Variants in OSBPL8 observed in about 807,000 individuals in gnomAD.
The protein encoded by OSBPL8 is oxysterol-binding protein-related protein 8.
OSBPL8 carries 59 observed loss-of-function variants against 125.5 expected under a neutral mutation model. That is an observed-to-expected ratio of 0.47 (90% CI 0.38 to 0.58). The LOEUF is 0.58. OSBPL8 is among the 20% of genes least tolerant of loss of function. The pLI, the probability that OSBPL8 is intolerant of heterozygous loss-of-function variation, is 0.00. For missense variants in OSBPL8, 758 were observed against 1,047.8 expected, an observed-to-expected ratio of 0.72 and a Z score of 3.82; for synonymous variants, 330 against 338.9, an observed-to-expected ratio of 0.97 and a Z score of 0.29.
chr12:76,378,436 T>C lies in OSBPL8; in HGVS notation c.1729+16A>G, dbSNP rs1482233943. The C allele has an allele frequency of 2.0e-6, 3 of 1,474,816 alleles. No homozygotes were observed. The highest frequency in any genetic ancestry group is 2.8e-6 in the Non-Finnish European group (3 of 1,074,268). The allele number at this position is 1,474,816 out of a possible 1,614,324, so 91.4% of individuals were successfully genotyped here. A position where few individuals can be genotyped will look rare whatever the true frequency, so the allele number is the denominator to read the frequency against. ...AGGAAAGCTTAATATCTAATTCAAG[T>C]ATAGAAAATATTTACCTTTACAATG... On this transcript the variant is annotated intron_variant, in intron 16 of 23. Coordinates refer to ENST00000261183, the MANE Select transcript of OSBPL8 (RefSeq NM_020841.5).
intron 1 of OSBPL8, among the ~76,000 whole-genome samples, chr12:76,532,137 T>G (rs955769175): frequency 6.6e-6 from 1 of 151,542 alleles, no homozygotes; most frequent in African/African-American, 2.4e-5. Context: ...TGTTGTGGAC[T>G]GTATCTGAGG....
chr12:76,383,134 T>C (rs546145480), intron 15 of OSBPL8, among the ~76,000 whole-genome samples: 1 of 152,278 alleles, frequency 6.6e-6, no homozygotes, highest in South Asian at 2.1e-4. Flanking sequence ...CAGATAGCTC[T>C]GATGTATATA....
At position 76,369,803 on chromosome 12, in the gene OSBPL8, G is replaced by A. The variant is rs926390221; in HGVS notation, c.2074C>T (p.Arg692Ter). 3 of 1,612,654 alleles carry A rather than the reference G, an allele frequency of 1.9e-6. No homozygotes were observed. The highest frequency in any genetic ancestry group is 1.7e-4 in the Middle Eastern group (1 of 6,050). ...ESEKLWQRVTRAINAKDQTEA... is the reference protein window; with the variant it reads ...ESEKLWQRVT The stretch of plus-strand genomic sequence containing the variant: ...GTTTGGTCTTTGGCATTTATGGCTC[G>A]AGTTACCCGTTGCCAGAGTCTAATA... The change falls in exon 20 of 24, where the codon CGA becomes TGA. Residue 692 changes from arginine (R) to a stop codon, truncating the protein, a stop_gained. Coordinates refer to ENST00000261183, the MANE Select transcript of OSBPL8 (RefSeq NM_020841.5). LOFTEE classifies it high-confidence loss of function.
intron 15 of OSBPL8, among the ~76,000 whole-genome samples, chr12:76,380,312 T>C: frequency 6.6e-6 from 1 of 152,168 alleles, no homozygotes; most frequent in East Asian, 1.9e-4. Flanking sequence ...TCCTCAGCAA[T>C]GTTTTAGTCT....
chr12:76,552,201 G>A (rs965027265), intron 1 of OSBPL8, among the ~76,000 whole-genome samples: 2 of 151,988 alleles, frequency 1.3e-5, no homozygotes, highest in Admixed American at 1.3e-4. Flanking sequence ...GAGGCGGGCA[G>A]ATCGCTTGAA....
chr12:76,501,253 T>C (rs543975912), intron 1 of OSBPL8, among the ~76,000 whole-genome samples: 11 of 152,346 alleles, frequency 7.2e-5, no homozygotes, highest in Non-Finnish European at 1.5e-4. Flanking sequence ...TGTGGATTCC[T>C]TCCCAATACA....
intron 18 of OSBPL8, among the ~76,000 whole-genome samples, chr12:76,372,819 C>T (rs1442146079): frequency 6.6e-6 from 1 of 152,162 alleles, no homozygotes; most frequent in Non-Finnish European, 1.5e-5. Flanking sequence ...CCATGTTCCA[C>T]TGAAAGGAAT....
intron 1 of OSBPL8, among the ~76,000 whole-genome samples, chr12:76,531,865 A>C (rs1950347724): frequency 6.6e-6 from 1 of 151,888 alleles, no homozygotes; most frequent in Non-Finnish European, 1.5e-5. Flanking sequence ...GTGAAACCCC[A>C]TCTCTACTAA....
intron 1 of OSBPL8, among the ~76,000 whole-genome samples, chr12:76,554,630 T>C (rs867230243): frequency 6.6e-5 from 10 of 152,338 alleles, no homozygotes; most frequent in Admixed American, 2.6e-4. Context: ...TCTAGAGTAG[T>C]ACAGTACCTG....
intron 6 of OSBPL8, 122 bp downstream of exon 6, chr12:76,402,567 G>A: frequency 1.4e-6 from 1 of 709,900 alleles, no homozygotes; most frequent in Non-Finnish European, 2.4e-6. Context: ...CTGCCTGTCT[G>A]TACCACTGGA....
chr12:76,371,336 C>G, intron 19 of OSBPL8, 112 bp downstream of exon 19: 4 of 1,167,724 alleles, frequency 3.4e-6, no homozygotes, highest in Non-Finnish European at 4.6e-6. Flanking sequence ...AAATGATAAA[C>G]TATTTTGCTG....
chr12:76,485,435 T>C, intron 2 of OSBPL8, among the ~76,000 whole-genome samples: 1 of 151,916 alleles, frequency 6.6e-6, no homozygotes, highest in South Asian at 2.1e-4. Context: ...TAGCCAAGCA[T>C]GGTGGCACAT....
At chr12:76,530,480 TC>T (rs1950305569) in intron 1 of OSBPL8, among the ~76,000 whole-genome samples, 1 of 152,166 alleles carries the variant, frequency 6.6e-6, no homozygotes, top group Admixed American at 6.5e-5. Context: ...TCCCTGACCA[TC>T]CTAGCTACAA....
At chr12:76,509,696 G>A (rs1412292970) in intron 1 of OSBPL8, among the ~76,000 whole-genome samples, 1 of 152,096 alleles carries the variant, frequency 6.6e-6, no homozygotes, top group Non-Finnish European at 1.5e-5. Flanking sequence ...AGACTGGAAG[G>A]CAAACAAAAA....
At chr12:76,402,929 C>A (rs1954112615) in intron 5 of OSBPL8, among the ~76,000 whole-genome samples, 163 bp from the exon 6 acceptor site, 1 of 152,066 alleles carries the variant, frequency 6.6e-6, no homozygotes, top group African/African-American at 2.4e-5. Flanking sequence ...AAAAATGAAT[C>A]CATGTTAAAT....
intron 2 of OSBPL8, among the ~76,000 whole-genome samples, chr12:76,475,720 G>A (rs1038716397): frequency 6.6e-6 from 1 of 152,198 alleles, no homozygotes; most frequent in African/African-American, 2.4e-5. Context: ...CCTGGAGATG[G>A]AGAAAGTGGA....
chr12:76,416,516 A>G (rs1259006400), intron 4 of OSBPL8, among the ~76,000 whole-genome samples: 2 of 152,074 alleles, frequency 1.3e-5, no homozygotes, highest in Non-Finnish European at 2.9e-5. Context: ...ATAAGTACAG[A>G]TTTATCTAGT....
chr12:76,463,696 T>C (rs1346108165), intron 2 of OSBPL8, among the ~76,000 whole-genome samples: 3 of 152,154 alleles, frequency 2.0e-5, no homozygotes, highest in Non-Finnish European at 4.4e-5. Flanking sequence ...AAAATAAGCA[T>C]GGCTTCAGAA....
rs937931583 is a variant in OSBPL8 at position 76,390,400 on chromosome 12, T to C, written c.1167+20A>G. Reference sequence around the variant, plus strand: ...CAAGAATATGAAAATCCAGAACCTCTAAAAATAGCAGACTTTTACCTCTCC... The same window carrying C: ...CAAGAATATGAAAATCCAGAACCTCCAAAAATAGCAGACTTTTACCTCTCC... On this transcript the variant is annotated intron_variant, in intron 11 of 23. Coordinates refer to ENST00000261183, the MANE Select transcript of OSBPL8 (RefSeq NM_020841.5). 1 of 1,530,196 alleles carries C rather than the reference T, an allele frequency of 6.5e-7. No homozygotes were observed. The highest frequency in any genetic ancestry group is 9.0e-7 in the Non-Finnish European group (1 of 1,117,138). 94.8% of individuals were successfully genotyped at this position (1,530,196 alleles called of 1,614,324 possible). A position where few individuals can be genotyped will look rare whatever the true frequency, so the allele number is the denominator to read the frequency against.
Sources: gnomAD v4.1 joint callset for allele counts (sites outside exome capture counted in the v4.1 genomes callset) on GRCh38, gnomAD v4.1.1 for gene constraint, MANE v1.5 for transcripts, NCBI Gene and HGNC (gene_info 2026-07-23, HGNC 2026-07-21) for gene names.